EYA2: variants seen among roughly 807,000 people sequenced by gnomAD.
The protein encoded by EYA2 is EYA transcriptional coactivator and phosphatase 2.
Under a neutral mutation model 69.2 loss-of-function variants are expected in EYA2, and 31 were observed. The ratio of observed to expected loss-of-function variants is 0.45; its 90% CI spans 0.34 to 0.60. The LOEUF (loss-of-function observed/expected upper bound fraction) is 0.60, where lower values mean the gene tolerates loss of function less well. EYA2 is among the 20% of genes least tolerant of loss of function. The pLI is 0.02. For synonymous variants in EYA2, 257 were observed against 279.4 expected (o/e 0.92, Z 0.80); for missense variants, 622 against 701.2 (o/e 0.89, Z 1.28).
intron 9 of EYA2, among the ~76,000 whole-genome samples, chr20:47,107,226 C>T (rs1934837): frequency 0.65 from 98,464 of 151,940 alleles, 32,163 homozygotes; most frequent in Non-Finnish European, 0.66. Flanking sequence ...ATAAGCAAGA[C>T]ACATAGAAAT....
At chr20:47,187,987 C>G (rs2034680550) in intron 15 of EYA2, 66 bp from the exon 16 acceptor site, 16 of 1,513,036 alleles carry the variant, frequency 1.1e-5, no homozygotes, top group Admixed American at 3.9e-5. Context: ...TGCCCTCTAA[C>G]CACAGGCGTG....
chr20:47,100,395 C>A (rs2032390662), intron 9 of EYA2, among the ~76,000 whole-genome samples: 1 of 152,202 alleles, frequency 6.6e-6, no homozygotes, highest in African/African-American at 2.4e-5. Flanking sequence ...GGACATTCTC[C>A]AGCCCATCGC....
intron 10 of EYA2, among the ~76,000 whole-genome samples, chr20:47,153,008 T>C (rs910728947): frequency 6.6e-6 from 1 of 151,606 alleles, no homozygotes; most frequent in Admixed American, 6.6e-5. Flanking sequence ...TGTTTGCTTT[T>C]AGAGGCCGGG....
intron 8 of EYA2, chr20:47,096,206 G>A (rs2146517063): frequency 6.6e-6 from 1 of 152,172 alleles, no homozygotes; most frequent in South Asian, 2.1e-4. Flanking sequence ...ATCAATCTGG[G>A]GATATGACAT....
chr20:47,029,841 A>G (rs549255452), intron 5 of EYA2, among the ~76,000 whole-genome samples: 2 of 152,348 alleles, frequency 1.3e-5, no homozygotes, highest in South Asian at 4.1e-4. Flanking sequence ...AACATATTAC[A>G]ATAGCATTCT....
chr20:47,183,893 AC>A (rs2034586028), intron 15 of EYA2, among the ~76,000 whole-genome samples: 1 of 152,178 alleles, frequency 6.6e-6, no homozygotes, highest in Non-Finnish European at 1.5e-5. Flanking sequence ...GGATCTGTCA[AC>A]AGCGCCCCAG....
At chr20:47,034,886 A>G (rs1002102239) in intron 5 of EYA2, among the ~76,000 whole-genome samples, 1 of 152,132 alleles carries the variant, frequency 6.6e-6, no homozygotes, top group African/African-American at 2.4e-5. Context: ...CTTGGCCTAT[A>G]GATGCTTCAC....
At chr20:46,971,801 A>G (rs1353988373) in intron 1 of EYA2, among the ~76,000 whole-genome samples, 1 of 152,218 alleles carries the variant, frequency 6.6e-6, no homozygotes, top group Non-Finnish European at 1.5e-5. Context: ...TAAGTGGTGC[A>G]TGCATGATCC....
chr20:47,127,248 T>A (rs935441155), intron 9 of EYA2, among the ~76,000 whole-genome samples: 1 of 152,224 alleles, frequency 6.6e-6, no homozygotes, highest in Non-Finnish European at 1.5e-5. Flanking sequence ...ACAAGAATAT[T>A]TGAAGACAGT....
chr20:46,980,047 T>A (rs557622718), intron 1 of EYA2, among the ~76,000 whole-genome samples: 4 of 152,170 alleles, frequency 2.6e-5, no homozygotes, highest in Non-Finnish European at 4.4e-5. Context: ...GGTAGCTTAG[T>A]AGACTTTAGA....
chr20:46,980,002 C>T (rs1980724701), intron 1 of EYA2, among the ~76,000 whole-genome samples: 1 of 152,106 alleles, frequency 6.6e-6, no homozygotes, highest in East Asian at 1.9e-4. Flanking sequence ...GGATTTGAAC[C>T]CCTGGAGCAG....
At chr20:46,977,129 A>T (rs1233247957) in intron 1 of EYA2, among the ~76,000 whole-genome samples, 2 of 152,252 alleles carry the variant, frequency 1.3e-5, no homozygotes, top group East Asian at 3.8e-4. Flanking sequence ...CACATTCACA[A>T]AACACATTTG....
At chr20:46,924,586 C>T (rs1378599598) in intron 1 of EYA2, among the ~76,000 whole-genome samples, 2 of 146,012 alleles carry the variant, frequency 1.4e-5, no homozygotes, top group Admixed American at 1.4e-4. Flanking sequence ...AGGAGAATGG[C>T]GTGAACCCAG....
At chr20:47,001,376 G>T in intron 2 of EYA2, 52 bp from the exon 3 acceptor site, 1 of 1,549,114 alleles carries the variant, frequency 6.5e-7, no homozygotes. Context: ...CACCTCTGCA[G>T]AACATCACCC....
Position 47,169,013 on chromosome 20 carries a change from G to A in EYA2, c.979-126G>A, listed in dbSNP as rs6018312. 2.1e-3 allele frequency: 1,669 copies of A among 793,848 alleles called. 19 individuals are homozygous for A. In the African/African-American group the frequency reaches 0.022, roughly 11 times the overall value. The allele number at this position is 793,848 out of a possible 1,614,324, so 49.2% of individuals were successfully genotyped here. ...AGTATCCAAATCCAGACTAGAACCC[G>A]AGCCTGATGACTCCCAGTGCAGTGC... On this transcript the variant is annotated intron_variant, in intron 10 of 15. Coordinates refer to ENST00000327619, the MANE Select transcript of EYA2 (RefSeq NM_005244.5).
chr20:47,101,286 T>C (rs931237403), intron 9 of EYA2, among the ~76,000 whole-genome samples: 1 of 152,164 alleles, frequency 6.6e-6, no homozygotes, highest in African/African-American at 2.4e-5. Flanking sequence ...GGGATCTCAC[T>C]GTGTTGCCCA....
At chr20:46,988,771 A>G (rs1300241462) in intron 1 of EYA2, among the ~76,000 whole-genome samples, 1 of 152,162 alleles carries the variant, frequency 6.6e-6, no homozygotes, top group Non-Finnish European at 1.5e-5. Flanking sequence ...GCACGATTAG[A>G]GCTCACTGCA....
At chr20:46,933,333 G>A (rs575424801) in intron 1 of EYA2, among the ~76,000 whole-genome samples, 51 of 152,154 alleles carry the variant, frequency 3.4e-4, no homozygotes, top group Non-Finnish European at 5.3e-4. Flanking sequence ...GAGAACATCC[G>A]TGCAAAGAGG....
chr20:47,171,457 G>A (rs909512759), intron 11 of EYA2, among the ~76,000 whole-genome samples: 3 of 151,962 alleles, frequency 2.0e-5, no homozygotes, highest in African/African-American at 4.8e-5. Context: ...GAGATGCCTC[G>A]TTTTGTGCCA....
Sources: allele counts gnomAD v4.1 joint callset (sites outside exome capture counted in the v4.1 genomes callset), GRCh38; gene constraint gnomAD v4.1.1; transcripts MANE v1.5; gene names NCBI Gene and HGNC (gene_info 2026-07-23, HGNC 2026-07-21).